Variants in LAMTOR5 observed in about 807,000 individuals in gnomAD.
LAMTOR5 encodes the protein late endosomal/lysosomal adaptor, MAPK and MTOR activator 5, also known as ragulator complex protein LAMTOR5.
Under a neutral mutation model 12.1 loss-of-function variants are expected in LAMTOR5, and 8 were observed. The ratio of observed to expected loss-of-function variants is 0.66; its 90% CI spans 0.39 to 1.19. LAMTOR5 has a LOEUF of 1.19. Ranked by LOEUF, LAMTOR5 falls within the 50% of genes most tolerant of loss-of-function variation. The pLI is 0.01. For synonymous variants in LAMTOR5, 37 were observed against 41.9 expected (o/e 0.88, Z 0.45); for missense variants, 110 against 112.8 (o/e 0.97, Z 0.11).
rs1228185255 is a variant in LAMTOR5, at chr1:110,404,025, G to A, written c.109C>T (p.Leu37=). The stretch of plus-strand genomic sequence containing the variant: ...ATCACTCCAGCATGCTCATCTGACA[G>A]GGTCCCGCGGCCTGGAAAATAGAGA... ...QGLNLGCRGT[L]SDEHAGVISV... The change falls in exon 3 of 4, where the codon CTG becomes TTG. Residue 37 remains leucine, a synonymous_variant. Transcript: ENST00000602318. 1 of 1,613,738 alleles carries A rather than the reference G, an allele frequency of 6.2e-7. No homozygotes were observed. Among genetic ancestry groups the A allele is most frequent in the Non-Finnish European group, 8.5e-7 (1 of 1,179,944 alleles).
At chr1:110,404,620 A>G (rs903004728) in intron 2 of LAMTOR5, among the ~76,000 whole-genome samples, 5 of 152,230 alleles carry the variant, frequency 3.3e-5, no homozygotes, top group African/African-American at 1.2e-4. Flanking sequence ...TGGGTTTACT[A>G]GTTGTCACTA....
intron 2 of LAMTOR5, among the ~76,000 whole-genome samples, chr1:110,404,813 G>T (rs554050796): frequency 1.3e-5 from 2 of 152,162 alleles, no homozygotes; most frequent in East Asian, 3.9e-4. Flanking sequence ...TTTGGGAGGC[G>T]GAGGTGGGTG....
intron 2 of LAMTOR5, among the ~76,000 whole-genome samples, chr1:110,404,876 T>G (rs1454061560): frequency 6.6e-6 from 1 of 151,916 alleles, no homozygotes; most frequent in Non-Finnish European, 1.5e-5. Flanking sequence ...AGTGAAACCC[T>G]GTATCTACTA....
intron 1 of LAMTOR5, chr1:110,406,766 G>A: frequency 2.8e-6 from 1 of 352,622 alleles, no homozygotes; most frequent in Non-Finnish European, 5.1e-6. Flanking sequence ...GGAGGTTGCA[G>A]TGAGCCGAGA....
At chr1:110,404,535 C>T (rs1029840702) in intron 2 of LAMTOR5, among the ~76,000 whole-genome samples, 1 of 152,110 alleles carries the variant, frequency 6.6e-6, no homozygotes, top group African/African-American at 2.4e-5. Context: ...TGAGTTACAC[C>T]GATTACCTCT....
At position 110,406,304 on chromosome 1, in the gene LAMTOR5, T is replaced by C. The variant is rs1461231075; in HGVS notation, c.97+14A>G. 7 of 1,568,442 alleles carry C rather than the reference T, an allele frequency of 4.5e-6. No homozygotes were observed. Among genetic ancestry groups the C allele is most frequent in the Non-Finnish European group, 5.2e-6 (6 of 1,147,234 alleles). On this transcript the variant is annotated intron_variant, in intron 2 of 3. Transcript: ENST00000602318. ...TATGCAATTCATCAAATAGTTGGTA[T>C]GAGAGATACTTACAACCCAGATTAA...
chr1:110,405,764 A>T (rs1357630688), intron 2 of LAMTOR5, among the ~76,000 whole-genome samples: 1 of 152,070 alleles, frequency 6.6e-6, no homozygotes, highest in Non-Finnish European at 1.5e-5. Context: ...TCAAATAACA[A>T]CCCAGTGAAG....
chr1:110,401,448 T>C lies in LAMTOR5; in HGVS notation c.*75A>G, dbSNP rs532731408. The C allele has an allele frequency of 1.2e-4, 176 of 1,483,038 alleles. No individual in the cohort carries two copies. The highest frequency in any genetic ancestry group is 1.6e-4 in the Non-Finnish European group (168 of 1,078,202). 91.9% of individuals were successfully genotyped at this position (1,483,038 alleles called of 1,614,324 possible). ...ATGAATGGCCTAACTACTGGAACTT[T>C]AGTAGTTCTATAAGGTAATTAACAT... On this transcript the variant is annotated 3_prime_UTR_variant, in exon 4 of 4. Transcript: ENST00000602318.
chr1:110,405,043 G>C (rs1419591447), intron 2 of LAMTOR5, among the ~76,000 whole-genome samples: 2 of 136,388 alleles, frequency 1.5e-5, no homozygotes, highest in Non-Finnish European at 3.1e-5. Context: ...GCAAGATTTC[G>C]TCTCAAAAAA....
chr1:110,404,269 A>T (rs1235875932), intron 2 of LAMTOR5, among the ~76,000 whole-genome samples: 1 of 104,168 alleles, frequency 9.6e-6, no homozygotes, highest in African/African-American at 3.4e-5. Flanking sequence ...AAGGCAACAC[A>T]AAGTTAACTG....
intron 3 of LAMTOR5, among the ~76,000 whole-genome samples, chr1:110,401,964 GTA>G (rs1354547454): frequency 6.6e-6 from 1 of 152,172 alleles, no homozygotes. Flanking sequence ...TTCTTTGCAT[GTA>G]TATGATACAG....
intron 3 of LAMTOR5, among the ~76,000 whole-genome samples, chr1:110,402,647 TATC>T (rs934738689): frequency 1.1e-4 from 17 of 152,310 alleles, no homozygotes; most frequent in African/African-American, 3.8e-4. Flanking sequence ...TTCCAGAAGG[TATC>T]ATCATTACAG....
chr1:110,404,075 T>C (rs1449777288), intron 2 of LAMTOR5, 39 bp from the exon 3 acceptor site: 10 of 1,604,252 alleles, frequency 6.2e-6, no homozygotes, highest in Middle Eastern at 1.7e-4. Flanking sequence ...TGATTGCTCA[T>C]AGAGTATTTC....
At position 110,401,401 on chromosome 1, in the gene LAMTOR5, A is replaced by T; in HGVS notation, c.*122T>A. 1 of 990,166 alleles carries T rather than the reference A, an allele frequency of 1.0e-6. No homozygotes were observed. Among genetic ancestry groups the T allele is most frequent in the African/African-American group, 1.6e-5 (1 of 61,484 alleles). 61.3% of individuals were successfully genotyped at this position (990,166 alleles called of 1,614,324 possible). ...AAGCAATTGACTCTTAAATAAACAGAAAAGTGCCTAATGCACATTAAATGA... is the reference window on the plus strand; with the variant it reads ...AAGCAATTGACTCTTAAATAAACAGTAAAGTGCCTAATGCACATTAAATGA... On this transcript the variant is annotated 3_prime_UTR_variant, in exon 4 of 4. Transcript: ENST00000602318.
intron 3 of LAMTOR5, among the ~76,000 whole-genome samples, chr1:110,402,178 CACAT>C (rs1405380030): frequency 1.3e-5 from 2 of 152,136 alleles, no homozygotes; most frequent in African/African-American, 4.8e-5. Flanking sequence ...AAAAGTATAG[CACAT>C]ACAATTATGT....
At chr1:110,403,662 T>C (rs1456480095) in intron 3 of LAMTOR5, 6 of 366,074 alleles carry the variant, frequency 1.6e-5, no homozygotes, top group Admixed American at 9.0e-5. Flanking sequence ...AGTTTTCCTT[T>C]GTGCTATTTG....
At chr1:110,404,674 CTCA>C (rs1663291977) in intron 2 of LAMTOR5, among the ~76,000 whole-genome samples, 1 of 152,142 alleles carries the variant, frequency 6.6e-6, no homozygotes, top group South Asian at 2.1e-4. Flanking sequence ...AACTTATTTC[CTCA>C]TGTGTAATTG....
At position 110,406,832 on chromosome 1, in the gene LAMTOR5, A is replaced by G. The variant is rs968993061; in HGVS notation, c.36-453T>C. 4 of 435,542 alleles carry G rather than the reference A, an allele frequency of 9.2e-6. No individual in the cohort carries two copies. In the Admixed American group the frequency reaches 1.3e-4, roughly 14 times the overall value. The allele number at this position is 435,542 out of a possible 1,614,324, so 27.0% of individuals were successfully genotyped here. A position where few individuals can be genotyped will look rare whatever the true frequency, so the allele number is the denominator to read the frequency against. ...AGCGAAATTCCGTCTCAAAAAAAGA[A>G]CACAAAAAATTTAAGTTCTAGTTAA... is the stretch of plus-strand genomic sequence containing the variant. On this transcript the variant is annotated intron_variant, in intron 1 of 3. Coordinates refer to ENST00000602318, the MANE Select transcript of LAMTOR5 (RefSeq NM_001382293.1).
At chr1:110,407,549 G>A (rs1029016586) in intron 1 of LAMTOR5, 37 bp downstream of exon 1, 2 of 1,596,106 alleles carry the variant, frequency 1.3e-6, no homozygotes, top group Non-Finnish European at 1.7e-6. Flanking sequence ...CCTCCGCCGC[G>A]ACCTCAGGAC....
Sources: gnomAD v4.1 joint callset for allele counts (sites outside exome capture counted in the v4.1 genomes callset) on GRCh38, gnomAD v4.1.1 for gene constraint, MANE v1.5 for transcripts, NCBI Gene and HGNC (gene_info 2026-07-23, HGNC 2026-07-21) for gene names.